Variants in RAD51B observed in about 807,000 individuals in gnomAD.
RAD51B encodes DNA repair protein RAD51 homolog 2.
RAD51B carries 38 observed loss-of-function variants against 42.2 expected under a neutral mutation model. The observed-to-expected ratio is 0.90, with a 90% CI of 0.70 to 1.18. The LOEUF is 1.18. Ranked by LOEUF, RAD51B falls within the 50% of genes most tolerant of loss-of-function variation. The pLI is 0.00. For missense variants in RAD51B, 373 were observed against 400.7 expected (o/e 0.93, Z 0.59); for synonymous variants, 154 against 145.2 (o/e 1.06, Z -0.43).
At chr14:68,085,694 T>TG (rs1475805925) in intron 7 of RAD51B, among the ~76,000 whole-genome samples, 1 of 152,178 alleles carries the variant, frequency 6.6e-6, no homozygotes, top group African/African-American at 2.4e-5. Flanking sequence ...GGGAGGTGAT[T>TG]GGATAGGATC....
Position 68,113,070 on chromosome 14 carries a change from A to C in RAD51B, c.757-178814A>C, listed in dbSNP as rs1303928354. Among the ~76,000 whole-genome samples, 5 of 152,254 alleles carry C rather than the reference A, an allele frequency of 3.3e-5. No individual in the cohort carries two copies. The East Asian group carries it at 9.6e-4, about 29-fold the overall frequency. ...GAGTACAATAGCATATTTATGTTTA[A>C]AAATACGAAATTGGTTTATTGATTT... is the stretch of plus-strand genomic sequence containing the variant. On this transcript the variant is annotated intron_variant, in intron 7 of 10. Coordinates refer to ENST00000471583, the MANE Select transcript of RAD51B (RefSeq NM_133510.4).
chr14:68,096,316 T>C (rs979585302), intron 7 of RAD51B, among the ~76,000 whole-genome samples: 2 of 152,216 alleles, frequency 1.3e-5, no homozygotes, highest in East Asian at 3.8e-4. Context: ...TGCTATCCAG[T>C]TGCTCAAAAG....
chr14:68,054,957 A>G (rs2076450779), intron 7 of RAD51B, among the ~76,000 whole-genome samples: 2 of 152,052 alleles, frequency 1.3e-5, no homozygotes, highest in Non-Finnish European at 2.9e-5. Flanking sequence ...TAAAGAACCG[A>G]TTGCTTGCTT....
At chr14:68,612,550 G>A (rs1399087854), downstream of RAD51B, among the ~76,000 whole-genome samples, 1 of 152,146 alleles carries the variant, frequency 6.6e-6, no homozygotes, top group Non-Finnish European at 1.5e-5. Context: ...CTTACATGAG[G>A]TACCTAGAGG....
intron 3 of RAD51B, among the ~76,000 whole-genome samples, chr14:67,831,979 C>T (rs778589936): frequency 1.3e-5 from 2 of 152,042 alleles, no homozygotes; most frequent in Non-Finnish European, 2.9e-5. Context: ...ATCCACGTTG[C>T]CTGATGATAG....
At chr14:68,351,061 G>A (rs117750980) in intron 8 of RAD51B, among the ~76,000 whole-genome samples, 66 of 152,272 alleles carry the variant, frequency 4.3e-4, no homozygotes, top group East Asian at 1.5e-3. Flanking sequence ...ACTGCCCTAC[G>A]CCCTGAGGTT....
intron 7 of RAD51B, among the ~76,000 whole-genome samples, chr14:67,930,748 C>T (rs2044697864): frequency 6.6e-6 from 1 of 152,102 alleles, no homozygotes; most frequent in African/African-American, 2.4e-5. Flanking sequence ...AAAATTTCAT[C>T]TAGTATTTCA....
chr14:67,957,441 C>T (rs2074574118), intron 7 of RAD51B, among the ~76,000 whole-genome samples: 1 of 152,190 alleles, frequency 6.6e-6, no homozygotes, highest in African/African-American at 2.4e-5. Context: ...CATGCACCTT[C>T]CATCTATTTG....
intron 8 of RAD51B, among the ~76,000 whole-genome samples, chr14:68,326,582 AC>A (rs776777071): frequency 1.6e-4 from 25 of 152,232 alleles, no homozygotes; most frequent in Non-Finnish European, 3.4e-4. Context: ...TGAACAGAGA[AC>A]TAAAGGCTTT....
At chr14:68,540,460 C>G in intron 10 of RAD51B, 1 of 985,358 alleles carries the variant, frequency 1.0e-6, no homozygotes, top group Non-Finnish European at 1.2e-6. Context: ...AGATCTTACT[C>G]TTCATGTGGA....
intron 7 of RAD51B, among the ~76,000 whole-genome samples, chr14:67,986,095 G>A (rs2075187186): frequency 6.6e-6 from 1 of 152,138 alleles, no homozygotes; most frequent in Admixed American, 6.5e-5. Flanking sequence ...GTGCTATGGT[G>A]CTGTGTGCGC....
In RAD51B at chr14:68,477,735, G is replaced by A. The variant is rs1389848986; in HGVS notation, c.*71G>A. Reference sequence around the variant, plus strand: ...AAATAAAACAGGACCGTACTGCTTGGAAGAAGGAAACGGAAGCTGACATAA... The same window carrying A: ...AAATAAAACAGGACCGTACTGCTTGAAAGAAGGAAACGGAAGCTGACATAA... On this transcript the variant is annotated 3_prime_UTR_variant, in exon 11 of 11. Coordinates refer to ENST00000471583, the MANE Select transcript of RAD51B (RefSeq NM_133510.4). 6.3e-7 allele frequency: 1 copy of A among 1,581,754 alleles called. No individual in the cohort carries two copies. Among genetic ancestry groups the A allele is most frequent in the Non-Finnish European group, 8.5e-7 (1 of 1,171,228 alleles).
chr14:68,150,629 A>G (rs1415801389), intron 7 of RAD51B, among the ~76,000 whole-genome samples: 2 of 152,216 alleles, frequency 1.3e-5, no homozygotes, highest in African/African-American at 4.8e-5. Flanking sequence ...TTGCTAGTAT[A>G]TAACTAAGCA....
intron 8 of RAD51B, among the ~76,000 whole-genome samples, chr14:68,309,841 T>C (rs905037732): frequency 1.3e-5 from 2 of 152,160 alleles, no homozygotes; most frequent in Admixed American, 1.3e-4. Context: ...AGCTGGTTCC[T>C]CTAGCCAAAG....
intron 8 of RAD51B, among the ~76,000 whole-genome samples, chr14:68,360,289 G>A (rs1209424431): frequency 2.6e-5 from 4 of 152,218 alleles, no homozygotes. Context: ...CTCCTGGAAT[G>A]CCTTCTCCCC....
intron 7 of RAD51B, among the ~76,000 whole-genome samples, chr14:68,145,240 G>A (rs536102374): frequency 1.5e-3 from 233 of 152,300 alleles, no homozygotes; most frequent in Non-Finnish European, 2.4e-3. Context: ...TATAACACCT[G>A]TGCTCCATGT....
intron 9 of RAD51B, among the ~76,000 whole-genome samples, chr14:68,441,266 G>C (rs1415403774): frequency 6.6e-6 from 1 of 152,050 alleles, no homozygotes; most frequent in Admixed American, 6.6e-5. Context: ...ATTTAGGCCA[G>C]GCACGGTGGC....
chr14:68,428,976 A>G (rs12897569), intron 9 of RAD51B, among the ~76,000 whole-genome samples: 8,770 of 149,342 alleles, frequency 0.059, 817 homozygotes, highest in African/African-American at 0.2. Flanking sequence ...TCCTTGTTCA[A>G]TTCCCACTAT....
At chr14:68,084,744 G>A (rs1384031813) in intron 7 of RAD51B, among the ~76,000 whole-genome samples, 1 of 152,198 alleles carries the variant, frequency 6.6e-6, no homozygotes, top group Non-Finnish European at 1.5e-5. Flanking sequence ...TTGGTTGGTT[G>A]ATTGATTCAT....
Sources: gnomAD v4.1 joint callset for allele counts (sites outside exome capture counted in the v4.1 genomes callset) on GRCh38, gnomAD v4.1.1 for gene constraint, MANE v1.5 for transcripts, NCBI Gene and HGNC (gene_info 2026-07-23, HGNC 2026-07-21) for gene names.